SRFBP1: variants seen among roughly 807,000 people sequenced by gnomAD.
SRFBP1 encodes serum response factor-binding protein 1.
In SRFBP1, 47 loss-of-function variants were observed where a neutral mutation model predicts 45.5. The observed-to-expected ratio is 1.03, with a 90% CI of 0.82 to 1.32. The LOEUF (loss-of-function observed/expected upper bound fraction) is 1.32, where lower values mean the gene tolerates loss of function less well. Ranked by LOEUF, SRFBP1 falls within the 40% of genes most tolerant of loss-of-function variation. SRFBP1 has a pLI of 0.00. For synonymous variants in SRFBP1, 203 were observed against 166.3 expected (o/e 1.22, Z -1.70); for missense variants, 621 against 484.6 (o/e 1.28, Z -2.64).
At chr5:122,010,046 G>A (rs577308613) in intron 4 of SRFBP1, among the ~76,000 whole-genome samples, 2 of 152,194 alleles carry the variant, frequency 1.3e-5, no homozygotes, top group African/African-American at 2.4e-5. Flanking sequence ...CCATAAAATA[G>A]TAATAAGTAT....
chr5:121,963,835 GATATT>G (rs944731762), intron 1 of SRFBP1, among the ~76,000 whole-genome samples: 4 of 151,420 alleles, frequency 2.6e-5, no homozygotes, highest in Non-Finnish European at 5.9e-5. Context: ...GATGATGGAG[GATATT>G]ATAATTTAAA....
intron 4 of SRFBP1, 53 bp from the exon 5 acceptor site, chr5:122,019,207 T>C: frequency 1.4e-6 from 2 of 1,420,918 alleles, no homozygotes; most frequent in Non-Finnish European, 2.0e-6. Flanking sequence ...TCACTTTCAA[T>C]AGTGTCATTT....
chr5:121,995,722 G>A (rs1752710647), intron 4 of SRFBP1, among the ~76,000 whole-genome samples: 3 of 151,938 alleles, frequency 2.0e-5, no homozygotes, highest in Non-Finnish European at 4.4e-5. Context: ...GTGAATCCAG[G>A]AGCTGGTTTT....
chr5:121,968,079 A>G (rs1752111904), intron 1 of SRFBP1, among the ~76,000 whole-genome samples: 1 of 151,984 alleles, frequency 6.6e-6, no homozygotes, highest in Non-Finnish European at 1.5e-5. Context: ...ATCTATACCC[A>G]GTGTATAGTA....
At chr5:122,032,125 A>G (rs771856725), downstream of SRFBP1, among the ~76,000 whole-genome samples, 7 of 152,226 alleles carry the variant, frequency 4.6e-5, no homozygotes, top group Non-Finnish European at 1.0e-4. Context: ...TGTGAATCAT[A>G]TCTCAATTTA....
chr5:121,979,879 G>T (rs1007750639), intron 3 of SRFBP1, among the ~76,000 whole-genome samples: 1 of 152,152 alleles, frequency 6.6e-6, no homozygotes, highest in Non-Finnish European at 1.5e-5. Flanking sequence ...ATGTTCTCCA[G>T]TGTGCCAGGC....
rs1321693437 is a variant in SRFBP1, at chr5:122,019,327, T to C, written c.338T>C (p.Ile113Thr). The C allele has an allele frequency of 1.2e-6, 2 of 1,612,214 alleles. No homozygotes were observed. Among genetic ancestry groups the C allele is most frequent in the South Asian group, 1.1e-5 (1 of 90,894 alleles). The change falls in exon 5 of 8, where the codon ATA becomes ACA. Residue 113 changes from isoleucine (I) to threonine (T), a missense_variant. Physicochemically the swap from Ile to Thr is moderately conservative, Grantham distance 89 (BLOSUM62 -1). Coordinates refer to ENST00000339397, the MANE Select transcript of SRFBP1 (RefSeq NM_152546.3). ...GTACATCCTCTTCTGAAGAAAAAGA[T>C]AGATGTGCTAAAAGGTATGAATTAA... ...LAVHPLLKKK[I>T]DVLKAAVQAF...
chr5:121,976,033 A>C (rs574368980), intron 3 of SRFBP1, among the ~76,000 whole-genome samples: 1 of 152,054 alleles, frequency 6.6e-6, no homozygotes, highest in South Asian at 2.1e-4. Flanking sequence ...TGGTCCCAGC[A>C]ATTTTCTTAA....
At chr5:122,038,745 G>A (rs897757056) in intron 2 of SRFBP1, among the ~76,000 whole-genome samples, 1 of 152,208 alleles carries the variant, frequency 6.6e-6, no homozygotes, top group Non-Finnish European at 1.5e-5. Context: ...ACCAATGTAT[G>A]TAATAGAATA....
downstream of SRFBP1, chr5:122,076,862 G>A (rs1283976705): frequency 6.2e-7 from 1 of 1,602,528 alleles, no homozygotes; most frequent in Non-Finnish European, 8.5e-7. Flanking sequence ...GGTAGACCGG[G>A]GAGCGGGGCC....
chr5:121,988,676 A>T (rs992011426), intron 3 of SRFBP1, among the ~76,000 whole-genome samples: 3 of 152,222 alleles, frequency 2.0e-5, no homozygotes, highest in African/African-American at 4.8e-5. Context: ...AGCCACCCAA[A>T]GTGAAAACAC....
chr5:121,984,877 G>C (rs1476177925), intron 3 of SRFBP1, among the ~76,000 whole-genome samples: 1 of 151,802 alleles, frequency 6.6e-6, no homozygotes, highest in Non-Finnish European at 1.5e-5. Context: ...AGCTAAAGTA[G>C]CTGTCTTTAT....
chr5:122,058,694 CATT>C (rs1754125059), intron 2 of SRFBP1, among the ~76,000 whole-genome samples: 1 of 151,994 alleles, frequency 6.6e-6, no homozygotes, highest in Admixed American at 6.6e-5. Flanking sequence ...AAAATGTTGT[CATT>C]GTTATTTTAA....
intron 2 of SRFBP1, among the ~76,000 whole-genome samples, chr5:122,051,004 GT>G (rs1753963940): frequency 6.6e-6 from 1 of 151,974 alleles, no homozygotes; most frequent in African/African-American, 2.4e-5. Flanking sequence ...TAATTTCATT[GT>G]TTCCCCAAAC....
intron 1 of SRFBP1, among the ~76,000 whole-genome samples, chr5:121,966,786 A>T (rs2399729): frequency 0.018 from 2,673 of 144,984 alleles, 43 homozygotes; most frequent in East Asian, 0.061. Context: ...TTTATTTTTT[A>T]TTTTTTTTTT....
intron 4 of SRFBP1, among the ~76,000 whole-genome samples, chr5:122,011,365 C>A (rs1753090211): frequency 6.6e-6 from 1 of 151,990 alleles, no homozygotes; most frequent in South Asian, 2.1e-4. Context: ...ACCACAGTTT[C>A]CAGAGAATTT....
intron 2 of SRFBP1, among the ~76,000 whole-genome samples, chr5:122,061,053 T>C (rs987646650): frequency 2.6e-5 from 4 of 152,078 alleles, no homozygotes; most frequent in African/African-American, 7.2e-5. Flanking sequence ...TCAAAAATAA[T>C]TGAAAATTCT....
rs773372273 is a variant in SRFBP1, at chr5:121,994,564, C to T, written c.199-35C>T. 6 of 1,402,490 alleles carry T rather than the reference C, an allele frequency of 4.3e-6. No individual in the cohort carries two copies. The East Asian group carries it at 1.2e-4, about 27-fold the overall frequency. 86.9% of individuals were successfully genotyped at this position (1,402,490 alleles called of 1,614,324 possible). A position where few individuals can be genotyped will look rare whatever the true frequency, so the allele number is the denominator to read the frequency against. Reference sequence around the variant, plus strand: ...TTAATAATAGTGATAAAAATAGACACATAACTAAAATTAATTTGTTTTATT... The same window carrying T: ...TTAATAATAGTGATAAAAATAGACATATAACTAAAATTAATTTGTTTTATT... On this transcript the variant is annotated intron_variant, in intron 3 of 7. Transcript: ENST00000339397.
downstream of SRFBP1, chr5:122,077,307 C>G: frequency 6.2e-7 from 1 of 1,611,226 alleles, no homozygotes; most frequent in Non-Finnish European, 8.5e-7. This position sits in a 1 kb window ranked among gnomAD's most constrained non-coding sequence, Gnocchi z 4.9. Flanking sequence ...AGCCACATAG[C>G]TGGGGACCAG....
Sources: gnomAD v4.1 joint callset for allele counts (sites outside exome capture counted in the v4.1 genomes callset) on GRCh38, gnomAD v4.1.1 for gene constraint, Gnocchi (gnomAD v3.1) non-coding constraint, MANE v1.5 for transcripts, NCBI Gene and HGNC (gene_info 2026-07-23, HGNC 2026-07-21) for gene names.